The following TUSC3 variants were observed in gnomAD, a reference collection of about 807,000 sequenced individuals.
The protein encoded by TUSC3 is tumor suppressor candidate 3.
A neutral mutation model predicts 44.8 loss-of-function variants in TUSC3; 45 were observed. The observed-to-expected ratio is 1.00, with a 90% confidence interval of 0.79 to 1.29. The LOEUF is 1.29. Among genes scored for constraint, TUSC3 ranks in the 50% most tolerant of loss-of-function variants. The probability of loss-of-function intolerance (pLI) is 0.00; values close to 1 mark genes in which losing one functional copy is unlikely to be tolerated. For synonymous variants in TUSC3, 212 were observed against 152.9 expected, an observed-to-expected ratio of 1.39 and a Z score of -2.85; for missense variants, 519 against 437.9, an observed-to-expected ratio of 1.19 and a Z score of -1.65.
chr8:15,749,269 G>C (rs943317591), intron 9 of TUSC3, among the ~76,000 whole-genome samples: 7 of 152,070 alleles, frequency 4.6e-5, no homozygotes, highest in Non-Finnish European at 8.8e-5. Context: ...GAAAATAAAA[G>C]CTCCTCAAAG....
intron 2 of TUSC3, among the ~76,000 whole-genome samples, chr8:15,492,400 C>T (rs1374241784): frequency 7.2e-5 from 11 of 152,104 alleles, no homozygotes; most frequent in Non-Finnish European, 2.9e-5. Context: ...ATATGCAATA[C>T]AGGCTTGTCT....
rs572808725 is a variant in TUSC3 at position 15,607,592 on chromosome 8, G to T, written c.139-15488G>T. ...TCTAAAACATAAAGGTAAGCTGAGA[G>T]AATTTACACTGAATACCCAGATATC... On this transcript the variant is annotated intron_variant, in intron 1 of 10. Coordinates refer to ENST00000503731, the MANE Select transcript of TUSC3 (RefSeq NM_006765.4). Among the ~76,000 whole-genome samples the T allele has an allele frequency of 1.1e-4, 17 of 152,208 alleles. No individual in the cohort carries two copies. In the East Asian group the frequency reaches 2.9e-3, roughly 26 times the overall value.
chr8:15,574,482 G>T (rs977601129), intron 1 of TUSC3, among the ~76,000 whole-genome samples: 2 of 151,968 alleles, frequency 1.3e-5, no homozygotes, highest in African/African-American at 4.8e-5. Flanking sequence ...TTTTGCTTAG[G>T]CCCTTTCCTG....
intron 2 of TUSC3, among the ~76,000 whole-genome samples, chr8:15,531,320 G>A (rs1585077956): frequency 6.6e-6 from 1 of 152,034 alleles, no homozygotes; most frequent in South Asian, 2.1e-4. Context: ...GAGTACAATG[G>A]TGGTCATTGC....
chr8:15,685,302 C>T (rs980128347), intron 6 of TUSC3, among the ~76,000 whole-genome samples: 2 of 151,542 alleles, frequency 1.3e-5, no homozygotes, highest in South Asian at 2.1e-4. Context: ...TACAGGAGGC[C>T]GGTCCTAGTG....
chr8:15,550,817 G>A (rs1030890198), intron 1 of TUSC3, among the ~76,000 whole-genome samples: 9 of 151,626 alleles, frequency 5.9e-5, no homozygotes, highest in South Asian at 4.2e-4. Flanking sequence ...GATTACAAGC[G>A]TGCACCACAA....
At position 15,765,439 on chromosome 8, in the gene TUSC3, T is replaced by A. The variant is rs933674255; in HGVS notation, c.*1283T>A. On this transcript the variant is annotated 3_prime_UTR_variant, in exon 11 of 11. Transcript: ENST00000503731. Reference sequence around the variant, plus strand: ...CATGGAGAATTGTTTTCATTGGGAGTTCCAGCTATATAGCCTCAAACAAGA... The same window carrying A: ...CATGGAGAATTGTTTTCATTGGGAGATCCAGCTATATAGCCTCAAACAAGA... 2.0e-5 allele frequency: 3 copies of A among 151,956 alleles called. No homozygotes were observed. Among genetic ancestry groups the A allele is most frequent in the Non-Finnish European group, 4.4e-5 (3 of 67,910 alleles). 9.4% of individuals were successfully genotyped at this position (151,956 alleles called of 1,614,324 possible).
chr8:15,550,099 G>C (rs548073288), intron 1 of TUSC3, among the ~76,000 whole-genome samples: 3 of 151,178 alleles, frequency 2.0e-5, no homozygotes, highest in South Asian at 4.2e-4. Flanking sequence ...AACAGGACAG[G>C]GATTTTCACA....
At chr8:15,833,695 A>T in the TUSC3 span, among the ~76,000 whole-genome samples, 1 of 35,222 alleles carries the variant, frequency 2.8e-5, no homozygotes, top group Admixed American at 2.5e-4. Flanking sequence ...CAAAAGGTAG[A>T]GGGTGGGAGG....
intron 1 of TUSC3, among the ~76,000 whole-genome samples, chr8:15,421,855 T>A (rs1052999268): frequency 4.6e-5 from 7 of 152,204 alleles, no homozygotes; most frequent in African/African-American, 1.7e-4. Flanking sequence ...TTTAAACTAG[T>A]CTGATTTTAT....
chr8:15,582,427 T>C (rs1255100718), intron 1 of TUSC3, among the ~76,000 whole-genome samples: 1 of 152,228 alleles, frequency 6.6e-6, no homozygotes, highest in Non-Finnish European at 1.5e-5. Flanking sequence ...AAATGGAAGA[T>C]ACGTACCTTC....
At chr8:15,838,467 CAG>C in the TUSC3 span, among the ~76,000 whole-genome samples, 1 of 152,154 alleles carries the variant, frequency 6.6e-6, no homozygotes, top group East Asian at 1.9e-4. Context: ...CCCCTCTTTT[CAG>C]AGTTTTGAGT....
intron 1 of TUSC3, among the ~76,000 whole-genome samples, chr8:15,596,598 T>C (rs1804078240): frequency 6.6e-6 from 1 of 152,188 alleles, no homozygotes. Flanking sequence ...CACTGTAAGT[T>C]GTAACCTTAA....
chr8:15,751,054 G>A (rs191448573), intron 9 of TUSC3, among the ~76,000 whole-genome samples: 1 of 152,110 alleles, frequency 6.6e-6, no homozygotes, highest in East Asian at 1.9e-4. Context: ...GCCTCTGGCT[G>A]CTATAACAGC....
chr8:15,441,791 C>G, intron 1 of TUSC3, among the ~76,000 whole-genome samples: 1 of 152,306 alleles, frequency 6.6e-6, no homozygotes. Context: ...GTGTTCCAGA[C>G]TGGATGACCC....
chr8:15,504,183 G>C (rs959233276), intron 2 of TUSC3, among the ~76,000 whole-genome samples: 2 of 152,050 alleles, frequency 1.3e-5, no homozygotes. Context: ...CAGACTGCCT[G>C]GGTTCAAATG....
At chr8:15,459,567 G>A (rs1002315790) in intron 1 of TUSC3, among the ~76,000 whole-genome samples, 2 of 151,892 alleles carry the variant, frequency 1.3e-5, no homozygotes, top group Non-Finnish European at 2.9e-5. Flanking sequence ...TGCAGCCATC[G>A]CCCAAGCAGT....
chr8:15,430,010 A>T lies in TUSC3; in HGVS notation n.91+12705A>T, dbSNP rs538641801. Among the ~76,000 whole-genome samples the T allele has an allele frequency of 1.6e-4, 24 of 151,720 alleles. 1 individual carries two copies. Among genetic ancestry groups the T allele is most frequent in the African/African-American group, 5.1e-4 (21 of 41,070 alleles). On this transcript the variant is annotated intron_variant and non_coding_transcript_variant, in intron 1 of 5. Coordinates refer to the TUSC3 transcript ENST00000503191. ...ATAGCCCACCAACCAAAAAAAATCC[A>T]GGACCAGATGGATTCACAGCCGAAT... is the stretch of plus-strand genomic sequence containing the variant.
intron 8 of TUSC3, among the ~76,000 whole-genome samples, chr8:15,746,920 G>GT (rs1008160749): frequency 4.6e-5 from 7 of 151,746 alleles, no homozygotes; most frequent in South Asian, 4.2e-4. Context: ...TTTCAAAAAT[G>GT]TTTTTTTTAT....
Sources: allele counts gnomAD v4.1 joint callset (sites outside exome capture counted in the v4.1 genomes callset), GRCh38; gene constraint gnomAD v4.1.1; transcripts MANE v1.5; gene names NCBI Gene and HGNC (gene_info 2026-07-23, HGNC 2026-07-21).